The following WBP4 variants were observed in gnomAD, a reference collection of about 807,000 sequenced individuals.
WBP4 encodes the protein WW domain-binding protein 4.
A neutral mutation model predicts 55.4 loss-of-function variants in WBP4; 37 were observed. That is an observed-to-expected ratio of 0.67 (90% CI 0.51 to 0.88). The LOEUF (loss-of-function observed/expected upper bound fraction) is 0.88. Ranked by LOEUF, WBP4 falls within the 40% of genes least tolerant of loss-of-function variation. The pLI, the probability that WBP4 is intolerant of heterozygous loss-of-function variation, is 0.00. For missense variants in WBP4, 398 were observed against 420.8 expected (o/e 0.95, Z 0.47); for synonymous variants, 142 against 140.2 (o/e 1.01, Z -0.09).
At chr13:41,082,532 G>C (rs1210503029) in intron 9 of WBP4, among the ~76,000 whole-genome samples, 172 bp from the exon 10 acceptor site, 2 of 152,086 alleles carry the variant, frequency 1.3e-5, no homozygotes, top group Admixed American at 6.6e-5. Flanking sequence ...TTATCCACCT[G>C]AATAAGTGTT....
At chr13:41,075,155 T>G (rs978812810) in intron 7 of WBP4, among the ~76,000 whole-genome samples, 2 of 152,140 alleles carry the variant, frequency 1.3e-5, no homozygotes, top group Non-Finnish European at 1.5e-5. Context: ...GCAGCCCCTT[T>G]CACTCTTAAA....
At chr13:41,073,986 A>G (rs916436872) in intron 7 of WBP4, among the ~76,000 whole-genome samples, 3 of 149,422 alleles carry the variant, frequency 2.0e-5, no homozygotes, top group Non-Finnish European at 3.0e-5. Flanking sequence ...GCTGGAGTGC[A>G]GTGGCACAAT....
chr13:41,082,138 C>T (rs1237668560), intron 9 of WBP4, among the ~76,000 whole-genome samples: 6 of 152,130 alleles, frequency 3.9e-5, no homozygotes, highest in African/African-American at 1.4e-4. Context: ...GAGTGCTAGG[C>T]ATACAGCTCC....
intron 7 of WBP4, among the ~76,000 whole-genome samples, chr13:41,075,629 C>T (rs147945931): frequency 1.3e-5 from 2 of 152,172 alleles, no homozygotes; most frequent in Non-Finnish European, 2.9e-5. Context: ...AATCCTCCTA[C>T]CTCGCCTTTT....
chr13:41,077,872 A>G (rs894252748), intron 8 of WBP4, among the ~76,000 whole-genome samples: 1 of 152,142 alleles, frequency 6.6e-6, no homozygotes, highest in African/African-American at 2.4e-5. Context: ...CCGAGAACCA[A>G]ATAAAAAACT....
chr13:41,073,471 C>G (rs1056526746), intron 7 of WBP4, among the ~76,000 whole-genome samples: 1 of 151,636 alleles, frequency 6.6e-6, no homozygotes, highest in Admixed American at 6.6e-5. Context: ...CGAGATCGTG[C>G]CATTGCACTC....
chr13:41,071,615 C>T (rs1490358625), intron 6 of WBP4, 42 bp downstream of exon 6: 1 of 1,539,922 alleles, frequency 6.5e-7, no homozygotes, highest in Non-Finnish European at 8.8e-7. Context: ...TTATTCTTTA[C>T]AGTGATTCGT....
In WBP4 at chr13:41,061,601, C is replaced by T. The variant is rs1292937127; in HGVS notation, c.-73C>T. ...GGTGGGCATCGGGCGGCTGGAAGAGCTCGACTCGTCCCGCTGGGAAAGCGC... is the reference window on the plus strand; with the variant it reads ...GGTGGGCATCGGGCGGCTGGAAGAGTTCGACTCGTCCCGCTGGGAAAGCGC... On this transcript the variant is annotated 5_prime_UTR_variant, in exon 1 of 10. Transcript: ENST00000379487. 16 of 1,612,686 alleles carry T rather than the reference C, an allele frequency of 9.9e-6. No individual in the cohort carries two copies. The highest frequency in any genetic ancestry group is 1.1e-5 in the South Asian group (1 of 90,970).
chr13:41,063,358 GT>G (rs1877796392), intron 2 of WBP4, among the ~76,000 whole-genome samples: 1 of 152,102 alleles, frequency 6.6e-6, no homozygotes, highest in Non-Finnish European at 1.5e-5. Context: ...TGTTGATACC[GT>G]TTTTACTTGG....
Position 41,083,426 on chromosome 13 carries a change from A to G in WBP4, c.*512A>G, listed in dbSNP as rs1290362836. 6.4e-6 allele frequency: 1 copy of G among 156,686 alleles called. No homozygotes were observed. The highest frequency in any genetic ancestry group is 6.2e-5 in the Admixed American group (1 of 16,036). The allele number at this position is 156,686 out of a possible 1,614,324, so 9.7% of individuals were successfully genotyped here. ...CTTACTCAATTTAAAGTCAAAAGCC[A>G]ACAGCCAGGAGCAGCTCAGGTACTT... On this transcript the variant is annotated 3_prime_UTR_variant, in exon 10 of 10. Coordinates refer to ENST00000379487, the MANE Select transcript of WBP4 (RefSeq NM_007187.5).
chr13:41,074,178 G>C (rs963623200), intron 7 of WBP4, among the ~76,000 whole-genome samples: 11 of 152,146 alleles, frequency 7.2e-5, no homozygotes, highest in South Asian at 4.1e-4. Flanking sequence ...TGATCCGCCC[G>C]CCTCGGCCTC....
rs965416706 is a variant in WBP4 at position 41,079,988 on chromosome 13, A to C, written c.757-658A>C. Reference sequence around the variant, plus strand: ...TCAAAGTCAAATACTACATGTTCTCACTTATAAGTGGGAGCTAAACAGTGG... The same window carrying C: ...TCAAAGTCAAATACTACATGTTCTCCCTTATAAGTGGGAGCTAAACAGTGG... On this transcript the variant is annotated intron_variant, in intron 8 of 9. Coordinates refer to ENST00000379487, the MANE Select transcript of WBP4 (RefSeq NM_007187.5). Among the ~76,000 whole-genome samples the C allele has an allele frequency of 2.0e-5, 3 of 151,104 alleles. No homozygotes were observed. The Admixed American group carries it at 2.0e-4, about 10-fold the overall frequency.
intron 4 of WBP4, 48 bp from the exon 5 acceptor site, chr13:41,068,513 A>C (rs772043103): frequency 3.4e-6 from 5 of 1,452,012 alleles, no homozygotes; most frequent in Non-Finnish European, 4.6e-6. Context: ...AGCAACCATA[A>C]AAAATAGTAG....
intron 5 of WBP4, 118 bp from the exon 6 acceptor site, chr13:41,071,409 T>C (rs529163806): frequency 1.3e-6 from 1 of 757,684 alleles, no homozygotes; most frequent in Non-Finnish European, 2.2e-6. Flanking sequence ...TCAAATATGT[T>C]TTAAATTGTA....
chr13:41,077,490 TC>T (rs1207262545), intron 8 of WBP4, among the ~76,000 whole-genome samples: 4 of 151,058 alleles, frequency 2.6e-5, no homozygotes, highest in African/African-American at 9.7e-5. Context: ...AGACTCTGTC[TC>T]AAAAAAAAAA....
In WBP4 at chr13:41,068,735, G is replaced by T; in HGVS notation, c.437G>T (p.Gly146Val). Reference protein sequence around the residue: ...GYHYYYDLISGASQWEKPEGF... With the variant: ...GYHYYYDLISVASQWEKPEGF... ...CATTACTATTATGATCTTATCTCAG[G>T]AGGTAAGTCATTTAGGCATAAAACT... The change falls in exon 5 of 10, where the codon GGA becomes GTA. Residue 146 changes from glycine (G) to valine (V), a missense_variant and splice_region_variant. By Grantham distance (109) the Gly-to-Val change is moderately radical. Transcript: ENST00000379487. The T allele has an allele frequency of 6.3e-7, 1 of 1,577,376 alleles. No homozygotes were observed. The highest frequency in any genetic ancestry group is 8.6e-7 in the Non-Finnish European group (1 of 1,163,646).
At chr13:41,074,574 G>A (rs563585288) in intron 7 of WBP4, among the ~76,000 whole-genome samples, 8 of 152,312 alleles carry the variant, frequency 5.3e-5, no homozygotes, top group South Asian at 4.1e-4. Context: ...CAATGTGACT[G>A]TGGGTGTTAC....
intron 5 of WBP4, 117 bp from the exon 6 acceptor site, chr13:41,071,410 T>C: frequency 1.3e-6 from 1 of 763,668 alleles, no homozygotes; most frequent in East Asian, 2.6e-5. Context: ...CAAATATGTT[T>C]TAAATTGTAG....
chr13:41,070,074 T>C (rs1411032161), intron 5 of WBP4, among the ~76,000 whole-genome samples: 2 of 151,214 alleles, frequency 1.3e-5, no homozygotes, highest in Non-Finnish European at 2.9e-5. Flanking sequence ...TAGCGACAAA[T>C]AAATAAGCTT....
Sources: allele counts gnomAD v4.1 joint callset (sites outside exome capture counted in the v4.1 genomes callset), GRCh38; gene constraint gnomAD v4.1.1; transcripts MANE v1.5; gene names NCBI Gene and HGNC (gene_info 2026-07-23, HGNC 2026-07-21).